Variants in ZNF462 observed in about 807,000 individuals in gnomAD.
The protein encoded by ZNF462 is zinc finger PBX1-interacting protein.
ZNF462 carries 10 observed loss-of-function variants against 201.9 expected under a neutral mutation model. That is an observed-to-expected ratio of 0.05 (90% confidence interval 0.03 to 0.08). The LOEUF is 0.08. ZNF462 is among the 10% of genes least tolerant of loss of function. ZNF462 has a pLI of 1.00. For synonymous variants in ZNF462, 1,227 were observed against 1,193.3 expected, an observed-to-expected ratio of 1.03 and a Z score of -0.58; for missense variants, 2,523 against 3,168.3, an observed-to-expected ratio of 0.80 and a Z score of 4.89.
intron 7 of ZNF462, among the ~76,000 whole-genome samples, chr9:106,971,367 A>T (rs1020856499): frequency 7.6e-6 from 1 of 132,236 alleles, no homozygotes. Context: ...GATTTCCTTT[A>T]AAAAAAAAAA....
In ZNF462 at chr9:106,984,148, T is replaced by G; in HGVS notation, c.6833-38T>G. 1 of 1,577,342 alleles carries G rather than the reference T, an allele frequency of 6.3e-7. No homozygotes were observed. ...GAAAGAACTTCTGTTTTGCCATCAG[T>G]AAAAATTCCCATCTTTCCATTCAAT... On this transcript the variant is annotated intron_variant, in intron 9 of 12. Transcript: ENST00000277225. The surrounding 1 kb of genome is among the most constrained non-coding windows in gnomAD (Gnocchi z 6.4).
At position 106,927,498 on chromosome 9, in the gene ZNF462, C is replaced by G; in HGVS notation, c.3586C>G (p.Gln1196Glu). ...PPVENEMFFC[Q>E]HCDYGNRTVK... Reference sequence around the variant, plus strand: ...TGTGGAGAATGAGATGTTCTTTTGCCAGCACTGTGATTATGGGAACCGGAC... The same window carrying G: ...TGTGGAGAATGAGATGTTCTTTTGCGAGCACTGTGATTATGGGAACCGGAC... Residue 1196 changes from glutamine (Q) to glutamate (E), a missense_variant, in exon 3 of 13, where the codon CAG (glutamine) becomes GAG (glutamate). Gln to Glu is a conservative substitution (Grantham distance 29, BLOSUM62 2). This residue lies in a region of ZNF462 where 222 missense variants were observed against 271.6 expected (regional missense o/e 0.82). Coordinates refer to ENST00000277225, the MANE Select transcript of ZNF462 (RefSeq NM_021224.6). 1 of 1,613,884 alleles carries G rather than the reference C, an allele frequency of 6.2e-7. No individual in the cohort carries two copies. The highest frequency in any genetic ancestry group is 8.5e-7 in the Non-Finnish European group (1 of 1,179,984).
Position 106,974,264 on chromosome 9 carries a change from C to T in ZNF462, c.6823C>T (p.Leu2275=), listed in dbSNP as rs780061003. ...YKRNMIDHIV[L]HREERVVPIE... ...GCGCAACATGATTGACCACATCGTG[C>T]TGCACCGAGGTAACCTTTCTAACTT... is the stretch of plus-strand genomic sequence containing the variant. Residue 2275 remains leucine, a synonymous_variant, in exon 9 of 13, where the codon CTG becomes TTG. Coordinates refer to ENST00000277225, the MANE Select transcript of ZNF462 (RefSeq NM_021224.6). The surrounding 1 kb of genome is among the most constrained non-coding windows in gnomAD (Gnocchi z 4.0). 2 of 1,614,176 alleles carry T rather than the reference C, an allele frequency of 1.2e-6. No individual in the cohort carries two copies. Among genetic ancestry groups the T allele is most frequent in the South Asian group, 1.1e-5 (1 of 91,086 alleles).
intron 1 of ZNF462, among the ~76,000 whole-genome samples, chr9:106,898,029 A>G (rs1828885313): frequency 6.6e-6 from 1 of 152,230 alleles, no homozygotes; most frequent in African/African-American, 2.4e-5. Flanking sequence ...GCTAAGTTGC[A>G]CTTTTCCCCA....
In ZNF462 at chr9:106,932,214, G is replaced by A; in HGVS notation, c.6013-232G>A. The A allele has an allele frequency of 1.9e-6, 3 of 1,545,018 alleles. No homozygotes were observed. The highest frequency in any genetic ancestry group is 2.6e-6 in the Non-Finnish European group (3 of 1,145,714). On this transcript the variant is annotated intron_variant, in intron 4 of 12. Coordinates refer to ENST00000277225, the MANE Select transcript of ZNF462 (RefSeq NM_021224.6). The surrounding 1 kb of genome is among the most constrained non-coding windows in gnomAD (Gnocchi z 6.8). ...AAAGAAAGCTGGAGGCAATGATGAT[G>A]GATATTTATTTTGTTGGTGGGGCAT...
rs1828346690 is a variant in ZNF462, at chr9:106,886,956, C to A, written c.-31+23601C>A. ...TGACAGGCGGTGGCACTTCCCTATACTTGCTGTCCCTTACAATTATGTGAC... is the reference window on the plus strand; with the variant it reads ...TGACAGGCGGTGGCACTTCCCTATAATTGCTGTCCCTTACAATTATGTGAC... On this transcript the variant is annotated intron_variant, in intron 1 of 12. Transcript: ENST00000277225. The surrounding 1 kb of genome is among the most constrained non-coding windows in gnomAD (Gnocchi z 4.6). Among the ~76,000 whole-genome samples, 1 of 152,144 alleles carries A rather than the reference C, an allele frequency of 6.6e-6. No individual in the cohort carries two copies. The highest frequency in any genetic ancestry group is 1.5e-5 in the Non-Finnish European group (1 of 68,040).
rs1012532648 is a variant in ZNF462, at chr9:106,885,972, G to A, written c.-31+22617G>A. Among the ~76,000 whole-genome samples the A allele has an allele frequency of 3.3e-5, 5 of 152,142 alleles. No homozygotes were observed. The highest frequency in any genetic ancestry group is 2.1e-4 in the South Asian group (1 of 4,820). ...TGGATATTTCCTCATCTAGATAGAC[G>A]GGACTTTTTGTTTTCCCCAGGAAAA... On this transcript the variant is annotated intron_variant, in intron 1 of 12. Transcript: ENST00000277225. This position sits in a 1 kb window ranked among gnomAD's most constrained non-coding sequence, Gnocchi z 4.1.
At chr9:106,951,853 T>C (rs1245514321) in intron 7 of ZNF462, among the ~76,000 whole-genome samples, 1 of 149,100 alleles carries the variant, frequency 6.7e-6, no homozygotes, top group African/African-American at 2.5e-5. Context: ...AGTGTTGTGT[T>C]TTTTTTTTTT....
At chr9:106,995,912 C>T (rs1023497606) in intron 10 of ZNF462, among the ~76,000 whole-genome samples, 1 of 152,104 alleles carries the variant, frequency 6.6e-6, no homozygotes, top group Non-Finnish European at 1.5e-5. Flanking sequence ...GTGTGCTGCA[C>T]CCATTAACTC....
chr9:106,900,203 CGTGTGTGTGTGTGTGTGTGTGT>C (rs3056258), intron 1 of ZNF462, among the ~76,000 whole-genome samples: 26 of 134,652 alleles, frequency 1.9e-4, no homozygotes, highest in African/African-American at 3.9e-4. Context: ...AGTATTCCAT[CGTGTGTGTGTGTGTGTGTGTGT>C]GTGTGTGTGT....
intron 1 of ZNF462, 28 bp downstream of exon 1, chr9:106,863,383 C>G: frequency 2.5e-6 from 1 of 393,632 alleles, no homozygotes; most frequent in Non-Finnish European, 4.5e-6. Context: ...ACAACCACCT[C>G]GGGGTGGTCC....
In ZNF462 at chr9:107,012,070, A is replaced by AT. The variant is rs1480128506; in HGVS notation, c.*1044dup. On this transcript the variant is annotated 3_prime_UTR_variant, in exon 13 of 13. Coordinates refer to ENST00000277225, the MANE Select transcript of ZNF462 (RefSeq NM_021224.6). ...GTTTTTTGTGAATAGGAATGTTTTTATTTTAAACATGGAAATAACAAAGAA... is the reference window on the plus strand; with the variant it reads ...GTTTTTTGTGAATAGGAATGTTTTTATTTTTAAACATGGAAATAACAAAGAA... The AT allele has an allele frequency of 1.1e-5, 1 of 91,222 alleles. No individual in the cohort carries two copies. The highest frequency in any genetic ancestry group is 2.5e-5 in the Non-Finnish European group (1 of 39,890). The allele number at this position is 91,222 out of a possible 1,614,324, so 5.7% of individuals were successfully genotyped here. A position where few individuals can be genotyped will look rare whatever the true frequency, so the allele number is the denominator to read the frequency against.
intron 1 of ZNF462, among the ~76,000 whole-genome samples, chr9:106,868,089 T>C (rs1274455063): frequency 9.0e-6 from 1 of 111,528 alleles, no homozygotes; most frequent in East Asian, 2.6e-4. Context: ...AAAAAAAAAA[T>C]CAGTGTGTGT....
chr9:106,909,126 G>T (rs1201051149), intron 1 of ZNF462, among the ~76,000 whole-genome samples: 1 of 149,990 alleles, frequency 6.7e-6, no homozygotes, highest in Non-Finnish European at 1.5e-5. Context: ...CTACCACCTG[G>T]CTAATTTTTG....
In ZNF462 at chr9:106,933,008, T is replaced by C. The variant is rs992087840; in HGVS notation, c.6116+459T>C. On this transcript the variant is annotated intron_variant, in intron 5 of 12. Transcript: ENST00000277225. The surrounding 1 kb of genome is among the most constrained non-coding windows in gnomAD (Gnocchi z 4.3). Reference sequence around the variant, plus strand: ...AGATCTTGAAAGGTAAAGAAGTTCATGGATGCCAAAGAGTTGCTTGACATA... The same window carrying C: ...AGATCTTGAAAGGTAAAGAAGTTCACGGATGCCAAAGAGTTGCTTGACATA... Among the ~76,000 whole-genome samples, 1 of 152,226 alleles carries C rather than the reference T, an allele frequency of 6.6e-6. No individual in the cohort carries two copies. The highest frequency in any genetic ancestry group is 1.5e-5 in the Non-Finnish European group (1 of 68,038).
chr9:106,892,164 T>C (rs1315733435), intron 1 of ZNF462, among the ~76,000 whole-genome samples: 1 of 152,158 alleles, frequency 6.6e-6, no homozygotes, highest in African/African-American at 2.4e-5. Flanking sequence ...ATTTGAAAAT[T>C]ATTAGCAGCT....
In ZNF462 at chr9:106,966,742, T is replaced by G. The variant is rs1349686606; in HGVS notation, c.6428-5263T>G. Among the ~76,000 whole-genome samples the G allele has an allele frequency of 2.6e-5, 4 of 152,154 alleles. No individual in the cohort carries two copies. Among genetic ancestry groups the G allele is most frequent in the African/African-American group, 9.6e-5 (4 of 41,458 alleles). On this transcript the variant is annotated intron_variant, in intron 7 of 12. Coordinates refer to ENST00000277225, the MANE Select transcript of ZNF462 (RefSeq NM_021224.6). This position sits in a 1 kb window ranked among gnomAD's most constrained non-coding sequence, Gnocchi z 4.4. ...TATTTGCTGAATGAATGGGTGTAAT[T>G]GAATCATTTGCCCCTTGGCCACCTC...
Position 106,966,649 on chromosome 9 carries a change from C to T in ZNF462, c.6428-5356C>T, listed in dbSNP as rs963379027. 6.6e-6 allele frequency among the ~76,000 whole-genome samples: 1 copy of T among 152,082 alleles called. No homozygotes were observed. Among genetic ancestry groups the T allele is most frequent in the Non-Finnish European group, 1.5e-5 (1 of 68,002 alleles). Reference sequence around the variant, plus strand: ...CATCTTTGTCTGAGAAAGTGAGTTGCTTGAGGTCAAGGCTCAAGTCTTACT... The same window carrying T: ...CATCTTTGTCTGAGAAAGTGAGTTGTTTGAGGTCAAGGCTCAAGTCTTACT... On this transcript the variant is annotated intron_variant, in intron 7 of 12. Coordinates refer to ENST00000277225, the MANE Select transcript of ZNF462 (RefSeq NM_021224.6). The surrounding 1 kb of genome is among the most constrained non-coding windows in gnomAD (Gnocchi z 4.4).
intron 1 of ZNF462, among the ~76,000 whole-genome samples, chr9:106,879,334 C>G (rs112976628): frequency 5.0e-5 from 4 of 79,620 alleles, no homozygotes; most frequent in Admixed American, 1.5e-4. Context: ...TGCTTTCCAC[C>G]CCCCCCCCCA....
Sources: allele counts gnomAD v4.1 joint callset (sites outside exome capture counted in the v4.1 genomes callset), GRCh38; gene constraint gnomAD v4.1.1; regional missense constraint gnomAD v4.1.1; non-coding constraint Gnocchi (gnomAD v3.1); transcripts MANE v1.5; gene names NCBI Gene and HGNC (gene_info 2026-07-23, HGNC 2026-07-21).